Variants in LRP6 observed in about 807,000 individuals in gnomAD.
LRP6 encodes the protein LDL receptor related protein 6, also known as low-density lipoprotein receptor-related protein 6.
LRP6 carries 43 observed loss-of-function variants against 184.1 expected under a neutral mutation model. The observed-to-expected ratio is 0.23, with a 90% confidence interval of 0.18 to 0.30. The LOEUF (loss-of-function observed/expected upper bound fraction) is 0.30, where lower values mean the gene tolerates loss of function less well. Ranked by LOEUF, LRP6 falls within the 10% of genes least tolerant of loss-of-function variation. LRP6 has a pLI of 1.00. For missense variants in LRP6, 1,571 were observed against 2,005.3 expected (o/e 0.78, Z 4.14); for synonymous variants, 719 against 684.9 (o/e 1.05, Z -0.78).
chr12:12,243,745 GTC>G (rs1865118628), intron 2 of LRP6, among the ~76,000 whole-genome samples: 1 of 152,052 alleles, frequency 6.6e-6, no homozygotes, highest in Non-Finnish European at 1.5e-5. Flanking sequence ...GTGAAATTCT[GTC>G]TCTACAAAAA....
At chr12:12,164,595 G>T in intron 8 of LRP6, 33 bp from the exon 9 acceptor site, 2 of 1,599,514 alleles carry the variant, frequency 1.3e-6, no homozygotes, top group South Asian at 1.1e-5. Flanking sequence ...GGCACAGAAG[G>T]ACACACACAT....
intron 4 of LRP6, among the ~76,000 whole-genome samples, chr12:12,184,670 T>C (rs536557989): frequency 6.6e-5 from 10 of 152,198 alleles, no homozygotes; most frequent in East Asian, 1.9e-4. Context: ...TACTGACTAA[T>C]AGGAACTAAA....
chr12:12,144,386 G>A (rs1226033106), intron 15 of LRP6, among the ~76,000 whole-genome samples: 2 of 152,214 alleles, frequency 1.3e-5, no homozygotes, highest in Non-Finnish European at 2.9e-5. Flanking sequence ...GCTCATGCCT[G>A]TAATCCCAGA....
intron 3 of LRP6, among the ~76,000 whole-genome samples, chr12:12,200,174 ATTC>A (rs1014618083): frequency 2.6e-5 from 4 of 152,050 alleles, no homozygotes; most frequent in Non-Finnish European, 4.4e-5. Context: ...ACATTGAAGT[ATTC>A]TTCTATCCCT....
In LRP6 at chr12:12,119,987, C is replaced by CAAACAAACAAACAAACAAAAAAAAA. The variant is rs567315765; in HGVS notation, c.*1138_*1139insTTTTTTTTTGTTTGTTTGTTTGTTT. Reference sequence around the variant, plus strand: ...TTTACTCAGAAAACAAACAAACAAACAAAATATATATATATATATATATAT... The same window carrying CAAACAAACAAACAAACAAAAAAAAA: ...TTTACTCAGAAAACAAACAAACAAACAAACAAACAAACAAACAAAAAAAAAAAAATATATATATATATATATATAT... On this transcript the variant is annotated 3_prime_UTR_variant, in exon 23 of 23. Coordinates refer to ENST00000261349, the MANE Select transcript of LRP6 (RefSeq NM_002336.3). The CAAACAAACAAACAAACAAAAAAAAA allele has an allele frequency of 7.2e-4, 31 of 42,928 alleles. No individual in the cohort carries two copies. The highest frequency in any genetic ancestry group is 1.4e-3 in the South Asian group (2 of 1,404). The allele number at this position is 42,928 out of a possible 1,614,324, so 2.7% of individuals were successfully genotyped here.
intron 1 of LRP6, among the ~76,000 whole-genome samples, chr12:12,246,513 A>C (rs1314456472): frequency 1.3e-5 from 2 of 151,838 alleles, no homozygotes; most frequent in Non-Finnish European, 2.9e-5. Context: ...CAACACATGG[A>C]AACCCCATCT....
intron 18 of LRP6, among the ~76,000 whole-genome samples, chr12:12,131,096 C>CTTTTTTT (rs1949746766): frequency 9.5e-6 from 1 of 105,350 alleles, no homozygotes; most frequent in African/African-American, 3.4e-5. Context: ...AATTTCCTAA[C>CTTTTTTT]ATTTTTTTTT....
chr12:12,129,948 C>CTG (rs1437719795), intron 19 of LRP6, among the ~76,000 whole-genome samples: 1 of 152,160 alleles, frequency 6.6e-6, no homozygotes, highest in African/African-American at 2.4e-5. Flanking sequence ...CTACTGCCAC[C>CTG]TGTGTAGATT....
At chr12:12,129,474 C>T (rs1294458178) in intron 19 of LRP6, among the ~76,000 whole-genome samples, 2 of 152,166 alleles carry the variant, frequency 1.3e-5, no homozygotes, top group South Asian at 2.1e-4. Context: ...TGCTTTTGAA[C>T]AGTATATTCC....
At chr12:12,216,668 A>AG (rs1362315553) in intron 2 of LRP6, among the ~76,000 whole-genome samples, 1 of 151,486 alleles carries the variant, frequency 6.6e-6, no homozygotes, top group African/African-American at 2.4e-5. Context: ...AAAAAAAAAA[A>AG]AAGAAAAGAA....
At chr12:12,124,772 T>C (rs951326406) in intron 21 of LRP6, 110 bp from the exon 22 acceptor site, 2 of 693,316 alleles carry the variant, frequency 2.9e-6, no homozygotes, top group Admixed American at 4.8e-5. Context: ...AATACACTAT[T>C]AGCACAATTC....
chr12:12,259,644 A>G lies in LRP6; in HGVS notation c.55+7037T>C, dbSNP rs562617509. Reference sequence around the variant, plus strand: ...CACGAACAGCTTGAGAAACAAAAGCATATGTTAATAATACCAAATAACCTT... The same window carrying G: ...CACGAACAGCTTGAGAAACAAAAGCGTATGTTAATAATACCAAATAACCTT... On this transcript the variant is annotated intron_variant, in intron 1 of 22. Coordinates refer to ENST00000261349, the MANE Select transcript of LRP6 (RefSeq NM_002336.3). Among the ~76,000 whole-genome samples the G allele has an allele frequency of 2.0e-5, 3 of 152,348 alleles. No homozygotes were observed. The East Asian group carries it at 5.8e-4, about 29-fold the overall frequency.
chr12:12,183,302 G>A (rs1863389214), intron 5 of LRP6, among the ~76,000 whole-genome samples: 1 of 152,134 alleles, frequency 6.6e-6, no homozygotes, highest in Non-Finnish European at 1.5e-5. Flanking sequence ...ATCCATAGGG[G>A]TGAGAATGAA....
chr12:12,255,613 C>T (rs1196431766), intron 1 of LRP6, among the ~76,000 whole-genome samples: 3 of 147,114 alleles, frequency 2.0e-5, no homozygotes, highest in African/African-American at 7.6e-5. Flanking sequence ...CTCTGCCATC[C>T]AGGCTGGAGT....
chr12:12,247,323 CAA>C (rs565505571), intron 1 of LRP6, among the ~76,000 whole-genome samples: 11 of 152,286 alleles, frequency 7.2e-5, no homozygotes, highest in Admixed American at 3.9e-4. Context: ...AAAACTATAT[CAA>C]AGCTATAGGA....
At chr12:12,156,605 C>T (rs1591895643) in intron 12 of LRP6, among the ~76,000 whole-genome samples, 1 of 152,334 alleles carries the variant, frequency 6.6e-6, no homozygotes, top group Admixed American at 6.5e-5. Context: ...TTTTAATGTA[C>T]TGCATTCTGC....
At chr12:12,213,291 T>TACATTTATTTATTTTGCATC (rs1199775715) in intron 2 of LRP6, among the ~76,000 whole-genome samples, 7 of 152,130 alleles carry the variant, frequency 4.6e-5, no homozygotes, top group Non-Finnish European at 1.0e-4. Context: ...ATAAAATTAA[T>TACATTTATTTATTTTGCATC]ACATTTATTT....
At chr12:12,155,069 G>A (rs1049992070) in intron 12 of LRP6, among the ~76,000 whole-genome samples, 4 of 152,088 alleles carry the variant, frequency 2.6e-5, no homozygotes, top group Non-Finnish European at 5.9e-5. Flanking sequence ...CGTGATGCAC[G>A]CCTGTAAACT....
At chr12:12,264,748 A>T (rs1159591506) in intron 1 of LRP6, among the ~76,000 whole-genome samples, 1 of 151,940 alleles carries the variant, frequency 6.6e-6, no homozygotes, top group Non-Finnish European at 1.5e-5. Context: ...ACATCAAAAG[A>T]CAGTTTTACT....
Sources: allele counts gnomAD v4.1 joint callset (sites outside exome capture counted in the v4.1 genomes callset), GRCh38; gene constraint gnomAD v4.1.1; transcripts MANE v1.5; gene names NCBI Gene and HGNC (gene_info 2026-07-23, HGNC 2026-07-21).